The following ELK3 variants were observed in gnomAD, a reference collection of about 807,000 sequenced individuals.
ELK3 encodes ETS domain-containing protein Elk-3.
A neutral mutation model predicts 28.9 loss-of-function variants in ELK3; 10 were observed. That is an observed-to-expected ratio of 0.35 (90% CI 0.21 to 0.59). ELK3 has a LOEUF of 0.59. Ranked by LOEUF, ELK3 falls within the 20% of genes least tolerant of loss-of-function variation. The pLI is 0.82. For synonymous variants in ELK3, 272 were observed against 243.5 expected, an observed-to-expected ratio of 1.12 and a Z score of -1.09; for missense variants, 463 against 517.3, an observed-to-expected ratio of 0.90 and a Z score of 1.02.
chr12:96,217,862 C>T (rs946770723), intron 1 of ELK3, among the ~76,000 whole-genome samples: 10 of 143,348 alleles, frequency 7.0e-5, no homozygotes, highest in Admixed American at 5.3e-4. Flanking sequence ...CGCTTGAACC[C>T]GGGAGGCAGA....
chr12:96,246,945 C>T lies in ELK3; in HGVS notation c.213C>T (p.Ile71=). ...RALRYYYDKN[I]IKKVIGQKFV... ...GTCTACTTTTGTATTTGCAGAACAT[C>T]ATCAAGAAGGTGATCGGGCAGAAGT... The change falls in exon 3 of 5, where the codon ATC becomes ATT. Residue 71 remains isoleucine (I), a synonymous_variant. Coordinates refer to ENST00000228741, the MANE Select transcript of ELK3 (RefSeq NM_005230.4). The T allele has an allele frequency of 6.3e-7, 1 of 1,589,526 alleles. No individual in the cohort carries two copies. The highest frequency in any genetic ancestry group is 8.6e-7 in the Non-Finnish European group (1 of 1,165,326).
chr12:96,256,903 CTT>C (rs966474352), intron 3 of ELK3, among the ~76,000 whole-genome samples: 15 of 152,128 alleles, frequency 9.9e-5, no homozygotes, highest in Non-Finnish European at 1.9e-4. Flanking sequence ...GATGTGCAGG[CTT>C]TTTAGGAGAC....
chr12:96,218,375 A>G (rs1028916778), intron 1 of ELK3, among the ~76,000 whole-genome samples: 1 of 152,230 alleles, frequency 6.6e-6, no homozygotes, highest in African/African-American at 2.4e-5. Flanking sequence ...CGATTCTGCA[A>G]AAAGAATGGC....
intron 1 of ELK3, among the ~76,000 whole-genome samples, chr12:96,203,415 C>T (rs1017720615): frequency 1.3e-5 from 2 of 152,184 alleles, no homozygotes; most frequent in Non-Finnish European, 2.9e-5. Context: ...CTGTGAGCTC[C>T]CTCTGGGCCT....
chr12:96,223,836 C>G (rs570732521), intron 2 of ELK3, 63 bp downstream of exon 2: 1 of 1,506,154 alleles, frequency 6.6e-7, no homozygotes, highest in African/African-American at 1.4e-5. Flanking sequence ...GCGTAGTTCA[C>G]TGATGAAAGA....
At position 96,217,255 on chromosome 12, in the gene ELK3, A is replaced by G. The variant is rs368087229; in HGVS notation, c.-2-6310A>G. ...GACAGAGTGAGACCTAGTCGAAAAGAAAAGAATTATGCTTCAGTGAAAAAC... is the reference window on the plus strand; with the variant it reads ...GACAGAGTGAGACCTAGTCGAAAAGGAAAGAATTATGCTTCAGTGAAAAAC... On this transcript the variant is annotated intron_variant, in intron 1 of 4. Transcript: ENST00000228741. Among the ~76,000 whole-genome samples, 248 of 152,378 alleles carry G rather than the reference A, an allele frequency of 1.6e-3. 1 individual carries two copies. In the South Asian group the frequency reaches 0.022, roughly 14 times the overall value.
rs553228718 is a variant in ELK3 at position 96,246,873 on chromosome 12, T to C, written c.208-67T>C. 24 of 1,477,552 alleles carry C rather than the reference T, an allele frequency of 1.6e-5. No individual in the cohort carries two copies. The East Asian group carries it at 5.3e-4, about 32-fold the overall frequency. The allele number at this position is 1,477,552 out of a possible 1,614,324, so 91.5% of individuals were successfully genotyped here. A position where few individuals can be genotyped will look rare whatever the true frequency, so the allele number is the denominator to read the frequency against. On this transcript the variant is annotated intron_variant, in intron 2 of 4. Transcript: ENST00000228741. Reference sequence around the variant, plus strand: ...TGCTTCTGCCAGCGACATTTACCATTATCATGAGCTCTTACATGGTTTCTC... The same window carrying C: ...TGCTTCTGCCAGCGACATTTACCATCATCATGAGCTCTTACATGGTTTCTC...
chr12:96,252,291 G>C (rs532828753), intron 3 of ELK3, among the ~76,000 whole-genome samples: 1 of 152,186 alleles, frequency 6.6e-6, no homozygotes, highest in African/African-American at 2.4e-5. Flanking sequence ...AGATATACAA[G>C]AAGATTAATA....
chr12:96,237,722 C>T lies in ELK3; in HGVS notation c.208-9218C>T, dbSNP rs77697661. The stretch of plus-strand genomic sequence containing the variant: ...CTTGAGCCCAGGAGCTCCAGGCTGC[C>T]GTGTGTAACAGTCGTGCCTGTGAAT... On this transcript the variant is annotated intron_variant, in intron 2 of 4. Coordinates refer to ENST00000228741, the MANE Select transcript of ELK3 (RefSeq NM_005230.4). Among the ~76,000 whole-genome samples, 6 of 152,340 alleles carry T rather than the reference C, an allele frequency of 3.9e-5. No homozygotes were observed. In the East Asian group the frequency reaches 5.8e-4, roughly 15 times the overall value.
At chr12:96,238,597 G>A (rs1408152213) in intron 2 of ELK3, among the ~76,000 whole-genome samples, 3 of 152,182 alleles carry the variant, frequency 2.0e-5, no homozygotes, top group East Asian at 1.9e-4. Context: ...CCCTTGGATG[G>A]CATGCCACTT....
chr12:96,264,257 G>T lies in ELK3; in HGVS notation c.1126-2825G>T, dbSNP rs139980144. 7.2e-3 allele frequency among the ~76,000 whole-genome samples: 1,093 copies of T among 152,228 alleles called. 8 individuals carry two copies. The highest frequency in any genetic ancestry group is 0.025 in the African/African-American group (1,036 of 41,520). On this transcript the variant is annotated intron_variant, in intron 4 of 4. Transcript: ENST00000228741. ...GCTTTAGCTTCCTAGGAAGGGCTAG[G>T]ATTACAGGTGTCAACGACCATACCT...
rs551436764 is a variant in ELK3, at chr12:96,245,588, C to T, written c.208-1352C>T. On this transcript the variant is annotated intron_variant, in intron 2 of 4. Coordinates refer to ENST00000228741, the MANE Select transcript of ELK3 (RefSeq NM_005230.4). ...TCTTTTTTTAATCCTCACTCATACC[C>T]TGGTTTTAGGTGGAATAGTTTCTAA... Among the ~76,000 whole-genome samples the T allele has an allele frequency of 5.3e-5, 8 of 152,178 alleles. No individual in the cohort carries two copies. In the East Asian group the frequency reaches 1.2e-3, roughly 22 times the overall value.
intron 1 of ELK3, among the ~76,000 whole-genome samples, chr12:96,214,255 A>G (rs1419236253): frequency 6.6e-6 from 1 of 151,954 alleles, no homozygotes; most frequent in Non-Finnish European, 1.5e-5. Context: ...ACATGCTGAA[A>G]CCCTGTCTCT....
intron 2 of ELK3, among the ~76,000 whole-genome samples, chr12:96,245,406 C>T (rs1330062092): frequency 6.6e-6 from 1 of 152,136 alleles, no homozygotes; most frequent in Non-Finnish European, 1.5e-5. Flanking sequence ...GCAAATGACT[C>T]TCCATCCCTG....
intron 1 of ELK3, among the ~76,000 whole-genome samples, chr12:96,221,140 A>G (rs1195159706): frequency 1.3e-5 from 2 of 152,218 alleles, no homozygotes; most frequent in Admixed American, 1.3e-4. Context: ...ACTCCAGTGC[A>G]GGGCTACACA....
rs776166918 is a variant in ELK3, at chr12:96,247,065, C to T, written c.333C>T (p.Asp111=). The change falls in exon 3 of 5, where the codon GAC becomes GAT. Residue 111 remains aspartate, a synonymous_variant. Transcript: ENST00000228741. This position sits in a 1 kb window ranked among gnomAD's most constrained non-coding sequence, Gnocchi z 5.5. ...AGAGCCTTCTGCTGCAGGACAGCGA[C>T]TGCAAGGCGTCTCCGGAGGGCCGCG... The part of the protein sequence containing the change: ...SRESLLLQDS[D]CKASPEGREA... The T allele has an allele frequency of 1.2e-6, 2 of 1,614,106 alleles. No homozygotes were observed. Among genetic ancestry groups the T allele is most frequent in the Non-Finnish European group, 1.7e-6 (2 of 1,180,042 alleles).
chr12:96,216,010 G>T (rs1951614619), intron 1 of ELK3, among the ~76,000 whole-genome samples: 1 of 152,136 alleles, frequency 6.6e-6, no homozygotes, highest in South Asian at 2.1e-4. Flanking sequence ...TAATCACTCA[G>T]AGTCTGCAAA....
At chr12:96,196,326 T>A (rs1054820568) in intron 1 of ELK3, among the ~76,000 whole-genome samples, 1 of 151,934 alleles carries the variant, frequency 6.6e-6, no homozygotes, top group Admixed American at 6.5e-5. Flanking sequence ...GATTTGCAGG[T>A]TTTTCTTTCC....
At chr12:96,214,463 AAAAC>A (rs946859944) in intron 1 of ELK3, among the ~76,000 whole-genome samples, 36 of 152,156 alleles carry the variant, frequency 2.4e-4, no homozygotes, top group Non-Finnish European at 4.0e-4. Context: ...AACAAAAAAA[AAAAC>A]AGCAAAAACC....
Sources: allele counts gnomAD v4.1 joint callset (sites outside exome capture counted in the v4.1 genomes callset), GRCh38; gene constraint gnomAD v4.1.1; non-coding constraint Gnocchi (gnomAD v3.1); transcripts MANE v1.5; gene names NCBI Gene and HGNC (gene_info 2026-07-23, HGNC 2026-07-21).